The following ATOSA variants were observed in gnomAD, a reference collection of about 807,000 sequenced individuals.
ATOSA encodes the protein atos homolog A.
the ATOSA span, chr15:52,609,791 C>G: frequency 4.9e-4 from 790 of 1,612,998 alleles, 2 homozygotes; most frequent in South Asian, 9.6e-4. Context: ...GCAATTCTTG[C>G]AATGATTTCT....
chr15:52,635,390 C>T, the ATOSA span, among the ~76,000 whole-genome samples: 7 of 152,268 alleles, frequency 4.6e-5, no homozygotes, highest in East Asian at 1.4e-3. Context: ...AAACAAGTCT[C>T]AATAAATTCA....
chr15:52,600,402 A>C, the ATOSA span, among the ~76,000 whole-genome samples: 1 of 152,124 alleles, frequency 6.6e-6, no homozygotes, highest in Admixed American at 6.5e-5. Context: ...TCAGCCTCCC[A>C]AAGTGCTGGA....
chr15:52,690,652 C>A, the ATOSA span, among the ~76,000 whole-genome samples: 47 of 152,194 alleles, frequency 3.1e-4, no homozygotes, highest in African/African-American at 1.1e-3. Flanking sequence ...CAAGATGACA[C>A]TTGCAGAATC....
chr15:52,602,126 G>A, the ATOSA span, among the ~76,000 whole-genome samples: 4 of 151,660 alleles, frequency 2.6e-5, no homozygotes, highest in African/African-American at 9.7e-5. Flanking sequence ...TCCCTTTTGT[G>A]CTTCATTCTA....
At chr15:52,704,229 A>G in the ATOSA span, among the ~76,000 whole-genome samples, 1 of 152,304 alleles carries the variant, frequency 6.6e-6, no homozygotes, top group African/African-American at 2.4e-5. Context: ...GATCTTTGAC[A>G]AACCTGAGAA....
chr15:52,678,490 C>A, the ATOSA span: 1 of 162,614 alleles, frequency 6.1e-6, no homozygotes, highest in Non-Finnish European at 1.3e-5. Flanking sequence ...TATGGAAATT[C>A]TTCCACCTGG....
At chr15:52,701,375 G>C in the ATOSA span, among the ~76,000 whole-genome samples, 311 of 152,212 alleles carry the variant, frequency 2.0e-3, 2 homozygotes, top group African/African-American at 7.3e-3. Context: ...GGAGTTTGAG[G>C]TTGCAATGAG....
At chr15:52,679,581 A>C in the ATOSA span, among the ~76,000 whole-genome samples, 40 of 152,118 alleles carry the variant, frequency 2.6e-4, no homozygotes, top group African/African-American at 9.4e-4. Context: ...GGGAGACACC[A>C]GCAGAGTCCC....
At chr15:52,607,580 A>G in the ATOSA span, among the ~76,000 whole-genome samples, 3 of 152,158 alleles carry the variant, frequency 2.0e-5, no homozygotes, top group Non-Finnish European at 4.4e-5. Flanking sequence ...CTGGTATGTC[A>G]TTCTCTTTGA....
chr15:52,668,774 G>A, the ATOSA span, among the ~76,000 whole-genome samples: 9 of 151,924 alleles, frequency 5.9e-5, no homozygotes, highest in East Asian at 1.7e-3. Context: ...AAAACTCCAT[G>A]TCTATCTAGC....
the ATOSA span, among the ~76,000 whole-genome samples, chr15:52,605,645 T>C: frequency 6.6e-6 from 1 of 152,136 alleles, no homozygotes; most frequent in African/African-American, 2.4e-5. Context: ...TATATACCAA[T>C]TGGAAAACAA....
At chr15:52,685,299 A>C in the ATOSA span, among the ~76,000 whole-genome samples, 2 of 152,166 alleles carry the variant, frequency 1.3e-5, no homozygotes, top group African/African-American at 2.4e-5. Flanking sequence ...TCATCTTATC[A>C]AGGGTTCAGT....
chr15:52,621,876 G>C, the ATOSA span, among the ~76,000 whole-genome samples: 1 of 149,256 alleles, frequency 6.7e-6, no homozygotes, highest in East Asian at 2.0e-4. Flanking sequence ...TTGAGACACA[G>C]TCTTGTTCTA....
At chr15:52,610,325 C>T in the ATOSA span, 5 of 1,613,910 alleles carry the variant, frequency 3.1e-6, no homozygotes, top group Non-Finnish European at 2.5e-6. Context: ...ACAGGAAACA[C>T]ATGCTCAATT....
the ATOSA span, among the ~76,000 whole-genome samples, chr15:52,604,713 C>A: frequency 2.0e-5 from 3 of 152,174 alleles, no homozygotes; most frequent in African/African-American, 7.2e-5. Context: ...GCACTCAGAT[C>A]TCTAAATCTA....
the ATOSA span, among the ~76,000 whole-genome samples, chr15:52,676,841 T>C: frequency 1.2e-4 from 19 of 152,320 alleles, no homozygotes; most frequent in Non-Finnish European, 7.4e-5. Flanking sequence ...ATTCTGAGAA[T>C]CAATTACTAA....
the ATOSA span, among the ~76,000 whole-genome samples, chr15:52,640,571 CAAAAAAAAA>C: frequency 1.5e-4 from 4 of 27,570 alleles, no homozygotes; most frequent in East Asian, 3.9e-3. Flanking sequence ...ACTCAAGTCT[CAAAAAAAAA>C]AAAAAAAAAA....
the ATOSA span, among the ~76,000 whole-genome samples, chr15:52,659,656 C>T: frequency 6.6e-6 from 1 of 152,050 alleles, no homozygotes; most frequent in African/African-American, 2.4e-5. Context: ...CTATTTTAAT[C>T]TATATTTAAG....
the ATOSA span, among the ~76,000 whole-genome samples, chr15:52,624,510 A>G: frequency 6.6e-6 from 1 of 152,204 alleles, no homozygotes; most frequent in African/African-American, 2.4e-5. Context: ...CTGTACTGTT[A>G]ACTTCAGCCA....
Sources: allele counts gnomAD v4.1 joint callset (sites outside exome capture counted in the v4.1 genomes callset), GRCh38; gene constraint gnomAD v4.1.1; transcripts MANE v1.5; gene names NCBI Gene and HGNC (gene_info 2026-07-23, HGNC 2026-07-21).